Variants in TOM1L1 observed in about 807,000 individuals in gnomAD.
TOM1L1 encodes target of myb1 like 1 membrane trafficking protein.
A neutral mutation model predicts 63.4 loss-of-function variants in TOM1L1; 64 were observed. The observed-to-expected ratio is 1.01, with a 90% CI of 0.83 to 1.24. TOM1L1 has a LOEUF of 1.24. TOM1L1 is among the 50% of genes most tolerant of loss of function. The pLI, the probability that TOM1L1 is intolerant of heterozygous loss-of-function variation, is 0.00. For synonymous variants in TOM1L1, 166 were observed against 194.4 expected, an observed-to-expected ratio of 0.85 and a Z score of 1.22; for missense variants, 536 against 567.0, an observed-to-expected ratio of 0.95 and a Z score of 0.55.
At chr17:54,919,975 G>T (rs1246322078) in intron 7 of TOM1L1, among the ~76,000 whole-genome samples, 1 of 148,570 alleles carries the variant, frequency 6.7e-6, no homozygotes, top group East Asian at 1.9e-4. Flanking sequence ...TTTGGTTTTG[G>T]TTTTTTATTG....
chr17:54,915,963 A>C (rs765815233), intron 7 of TOM1L1, 101 bp downstream of exon 7: 2 of 707,250 alleles, frequency 2.8e-6, no homozygotes, highest in African/African-American at 1.8e-5. Flanking sequence ...TGTCTAGTAC[A>C]TCCTCCTACA....
At chr17:54,961,190 A>T in intron 15 of TOM1L1, 45 bp from the exon 16 acceptor site, 1 of 1,264,038 alleles carries the variant, frequency 7.9e-7, no homozygotes, top group South Asian at 1.3e-5. Context: ...ATGGGGAAAG[A>T]GAAGGACAGG....
At chr17:54,955,078 T>A (rs2049426525) in intron 14 of TOM1L1, 1 of 152,196 alleles carries the variant, frequency 6.6e-6, no homozygotes, top group African/African-American at 2.4e-5. Context: ...TTCTACGGTC[T>A]CTGCACACAG....
chr17:54,944,525 C>A (rs1158086428), intron 11 of TOM1L1, among the ~76,000 whole-genome samples: 1 of 151,632 alleles, frequency 6.6e-6, no homozygotes, highest in African/African-American at 2.4e-5. Flanking sequence ...TCTTACTATT[C>A]TCTTCTGGTA....
In TOM1L1 at chr17:54,915,700, ATTCT is replaced by A. The variant is rs775936057; in HGVS notation, c.604-43_604-40del. 5.3e-6 allele frequency: 7 copies of A among 1,328,564 alleles called. No individual in the cohort carries two copies. The African/African-American group carries it at 1.0e-4, about 20-fold the overall frequency. The allele number at this position is 1,328,564 out of a possible 1,614,324, so 82.3% of individuals were successfully genotyped here. ...CATGGGGGCAGGAAACAAGGTAGTT[ATTCT>A]TTGTGTGTCGCACTGACTGGTGATT... On this transcript the variant is annotated intron_variant, in intron 6 of 15. Transcript: ENST00000575882.
chr17:54,937,080 A>AT, intron 9 of TOM1L1, 29 bp from the exon 10 acceptor site: 2 of 1,190,802 alleles, frequency 1.7e-6, no homozygotes, highest in South Asian at 1.2e-5. Flanking sequence ...ACTACATGAC[A>AT]CTTTTTTTTT....
chr17:54,945,345 A>G (rs761727813), intron 11 of TOM1L1, among the ~76,000 whole-genome samples: 1 of 152,194 alleles, frequency 6.6e-6, no homozygotes, highest in Non-Finnish European at 1.5e-5. Context: ...TTAGGACATG[A>G]GCATAGCATT....
At chr17:54,940,342 A>G (rs1737671398) in intron 11 of TOM1L1, among the ~76,000 whole-genome samples, 8 of 152,264 alleles carry the variant, frequency 5.3e-5, no homozygotes. Flanking sequence ...CAAAAGTCCC[A>G]ATATTTCATA....
chr17:54,960,696 T>A, intron 15 of TOM1L1, 69 bp downstream of exon 15: 2 of 1,226,170 alleles, frequency 1.6e-6, no homozygotes, highest in Non-Finnish European at 2.4e-6. Context: ...TCACTTTACA[T>A]ATTTAGTATT....
At chr17:54,953,901 G>C (rs2049359985) in intron 14 of TOM1L1, 3 of 152,172 alleles carry the variant, frequency 2.0e-5, no homozygotes, top group Admixed American at 2.0e-4. Flanking sequence ...GGGTCCCAAG[G>C]GGTGTAATTC....
intron 4 of TOM1L1, among the ~76,000 whole-genome samples, chr17:54,913,368 T>G (rs2048526042): frequency 6.6e-6 from 1 of 152,096 alleles, no homozygotes; most frequent in Non-Finnish European, 1.5e-5. Context: ...ATCAGGAGCT[T>G]AAGAATTGTG....
At chr17:54,913,495 C>T (rs1267059174) in intron 4 of TOM1L1, among the ~76,000 whole-genome samples, 2 of 151,994 alleles carry the variant, frequency 1.3e-5, no homozygotes, top group African/African-American at 4.8e-5. Context: ...GAAACCCCGT[C>T]TCTACTAAAA....
In TOM1L1 at chr17:54,917,026, TTAA is replaced by T. The variant is rs551180444; in HGVS notation, c.720+1170_720+1172del. Reference sequence around the variant, plus strand: ...ATTATTCTGCTTCTTAATCCTTTGATTAATAATATTTTTTTCTAGTTGCATTTG... The same window carrying T: ...ATTATTCTGCTTCTTAATCCTTTGATTAATATTTTTTTCTAGTTGCATTTG... On this transcript the variant is annotated intron_variant, in intron 7 of 15. Transcript: ENST00000575882. The T allele has an allele frequency of 1.8e-3, 263 of 145,724 alleles. 1 individual carries two copies. Among genetic ancestry groups the T allele is most frequent in the African/African-American group, 6.2e-3 (248 of 39,984 alleles). 9.0% of individuals were successfully genotyped at this position (145,724 alleles called of 1,614,324 possible).
chr17:54,929,647 T>A (rs752078046), intron 7 of TOM1L1, among the ~76,000 whole-genome samples: 3 of 152,178 alleles, frequency 2.0e-5, no homozygotes, highest in Non-Finnish European at 4.4e-5. Context: ...ATTACACACA[T>A]CTCATTTGAT....
At position 54,949,625 on chromosome 17, in the gene TOM1L1, T is replaced by A. The variant is rs2049179159; in HGVS notation, c.1288+2T>A. The A allele has an allele frequency of 6.2e-7, 1 of 1,607,964 alleles. No individual in the cohort carries two copies. The highest frequency in any genetic ancestry group is 8.5e-7 in the Non-Finnish European group (1 of 1,174,402). On this transcript the variant is annotated splice_donor_variant, in intron 13 of 15. Transcript: ENST00000575882. LOFTEE classifies it high-confidence loss of function. ...CACCTTTGCCCAGCAATCATCCAGG[T>A]ACATGGGACCTTATTATTCGCATCA...
intron 7 of TOM1L1, chr17:54,917,413 C>T (rs1453976889): frequency 6.6e-6 from 1 of 151,964 alleles, no homozygotes; most frequent in African/African-American, 2.4e-5. Context: ...CTTATTCAGT[C>T]CTTCTAATAA....
intron 2 of TOM1L1, among the ~76,000 whole-genome samples, chr17:54,904,697 G>A (rs901000081): frequency 1.3e-5 from 2 of 152,194 alleles, no homozygotes; most frequent in African/African-American, 4.8e-5. Flanking sequence ...AAGTCATTAA[G>A]AAGAGCAAAC....
intron 12 of TOM1L1, among the ~76,000 whole-genome samples, chr17:54,948,391 C>A (rs1481925245): frequency 6.6e-6 from 1 of 152,202 alleles, no homozygotes; most frequent in African/African-American, 2.4e-5. Context: ...GATCTGACCG[C>A]ACCCGTCACC....
rs760498642 is a variant in TOM1L1, at chr17:54,913,912, T to G, written c.498+39T>G. The G allele has an allele frequency of 1.9e-6, 3 of 1,570,926 alleles. No individual in the cohort carries two copies. The South Asian group carries it at 3.5e-5, about 18-fold the overall frequency. On this transcript the variant is annotated intron_variant, in intron 5 of 15. Coordinates refer to ENST00000575882, the MANE Select transcript of TOM1L1 (RefSeq NM_005486.3). ...CTTTGACCCATGGAGACTATAGTAG[T>G]GTATCACTTGGGTCTTTTCTCATTA...
Sources: gnomAD v4.1 joint callset for allele counts (sites outside exome capture counted in the v4.1 genomes callset) on GRCh38, gnomAD v4.1.1 for gene constraint, MANE v1.5 for transcripts, NCBI Gene and HGNC (gene_info 2026-07-23, HGNC 2026-07-21) for gene names.